Variants in ESR2 observed in about 807,000 individuals in gnomAD.
ESR2 encodes estrogen receptor beta.
In ESR2, 36 loss-of-function variants were observed where a neutral mutation model predicts 49.6. That is an observed-to-expected ratio of 0.73 (90% CI 0.56 to 0.96). The LOEUF (loss-of-function observed/expected upper bound fraction) is 0.96, where lower values mean the gene tolerates loss of function less well. ESR2 is among the 40% of genes least tolerant of loss of function. The pLI is 0.00. For missense variants in ESR2, 714 were observed against 693.0 expected (o/e 1.03, Z -0.34); for synonymous variants, 320 against 266.1 (o/e 1.20, Z -1.97).
chr14:64,285,157 T>C (rs776765266), intron 1 of ESR2, among the ~76,000 whole-genome samples: 2 of 152,132 alleles, frequency 1.3e-5, no homozygotes, highest in Non-Finnish European at 2.9e-5. Context: ...CCAGCTCTCA[T>C]TACTTCTTAT....
intron 1 of ESR2, among the ~76,000 whole-genome samples, chr14:64,293,094 G>A (rs2076898665): frequency 6.6e-6 from 1 of 152,100 alleles, no homozygotes; most frequent in South Asian, 2.1e-4. Context: ...CCTTCTTCTA[G>A]AACTCATATC....
intron 1 of ESR2, among the ~76,000 whole-genome samples, chr14:64,288,922 G>A (rs1456833625): frequency 1.3e-5 from 2 of 149,118 alleles, no homozygotes; most frequent in African/African-American, 5.0e-5. Flanking sequence ...GGAGGTGGAG[G>A]TTGCGGTGAG....
intron 1 of ESR2, among the ~76,000 whole-genome samples, chr14:64,325,320 G>A (rs2077375415): frequency 6.6e-6 from 1 of 152,122 alleles, no homozygotes; most frequent in South Asian, 2.1e-4. Flanking sequence ...TTGAGTAAAA[G>A]TAGGAAATAA....
intron 1 of ESR2, chr14:64,332,231 G>A (rs1486391471): frequency 6.6e-6 from 1 of 152,108 alleles, no homozygotes; most frequent in Non-Finnish European, 1.5e-5. Context: ...CTTGTTGCTG[G>A]CTACTGAGTT....
At chr14:64,287,429 T>C (rs190831572) in intron 1 of ESR2, among the ~76,000 whole-genome samples, 2 of 152,326 alleles carry the variant, frequency 1.3e-5, no homozygotes, top group Non-Finnish European at 2.9e-5. Context: ...AATTTCCACA[T>C]ATCCCCAGAA....
At chr14:64,279,712 C>T (rs1211181762) in intron 3 of ESR2, among the ~76,000 whole-genome samples, 1 of 152,228 alleles carries the variant, frequency 6.6e-6, no homozygotes, top group Non-Finnish European at 1.5e-5. Flanking sequence ...AAGGTTGTAA[C>T]TCGATGTCTT....
downstream of ESR2, chr14:64,227,563 A>T (rs752567696): frequency 6.2e-7 from 1 of 1,614,216 alleles, no homozygotes; most frequent in Non-Finnish European, 8.5e-7. Context: ...CAGGCAAAAG[A>T]GTCTCCATCT....
At chr14:64,287,945 T>A (rs1247029760) in intron 1 of ESR2, among the ~76,000 whole-genome samples, 1 of 152,238 alleles carries the variant, frequency 6.6e-6, no homozygotes, top group Non-Finnish European at 1.5e-5. Flanking sequence ...GGGCCTGGCA[T>A]GGAATTTCAC....
At chr14:64,265,493 A>G (rs903038939) in intron 4 of ESR2, among the ~76,000 whole-genome samples, 1 of 152,212 alleles carries the variant, frequency 6.6e-6, no homozygotes, top group African/African-American at 2.4e-5. Flanking sequence ...GCAGTAGCCT[A>G]AATCCAGAGC....
At chr14:64,275,883 T>C (rs1297681548) in intron 3 of ESR2, among the ~76,000 whole-genome samples, 3 of 152,126 alleles carry the variant, frequency 2.0e-5, no homozygotes, top group Non-Finnish European at 4.4e-5. Flanking sequence ...ATATTATATC[T>C]CAAACTCAAC....
chr14:64,253,618 GTA>G (rs748150831), intron 6 of ESR2, among the ~76,000 whole-genome samples: 2,996 of 147,336 alleles, frequency 0.02, 78 homozygotes, highest in East Asian at 0.088. Context: ...GTATGTGTGT[GTA>G]TATATATATA....
intron 1 of ESR2, among the ~76,000 whole-genome samples, chr14:64,289,727 A>G (rs552788273): frequency 1.4e-4 from 22 of 152,238 alleles, no homozygotes; most frequent in African/African-American, 5.1e-4. Flanking sequence ...ACAGAAATCC[A>G]TCACCCCTAG....
intron 5 of ESR2, among the ~76,000 whole-genome samples, chr14:64,258,628 T>C (rs2076152774): frequency 6.6e-6 from 1 of 152,192 alleles, no homozygotes; most frequent in South Asian, 2.1e-4. Flanking sequence ...CACACATGGT[T>C]CAAGTCTTTG....
At chr14:64,333,758 C>T (rs900164549) in intron 1 of ESR2, among the ~76,000 whole-genome samples, 10 of 152,174 alleles carry the variant, frequency 6.6e-5, no homozygotes, top group Non-Finnish European at 1.3e-4. Flanking sequence ...TTATCTCCCA[C>T]TGGGTCCCTC....
intron 6 of ESR2, among the ~76,000 whole-genome samples, chr14:64,255,468 C>T (rs1428225253): frequency 6.6e-6 from 1 of 152,096 alleles, no homozygotes; most frequent in South Asian, 2.1e-4. Context: ...CTGTTCTCTA[C>T]CAAAACATCT....
At position 64,260,310 on chromosome 14, in the gene ESR2, A is replaced by G. The variant is rs547608708; in HGVS notation, c.952+139T>C. 1.8e-5 allele frequency: 16 copies of G among 891,918 alleles called. No individual in the cohort carries two copies. In the African/African-American group the frequency reaches 2.6e-4, roughly 15 times the overall value. The allele number at this position is 891,918 out of a possible 1,614,324, so 55.3% of individuals were successfully genotyped here. On this transcript the variant is annotated intron_variant, in intron 5 of 8. Coordinates refer to ENST00000341099, the MANE Select transcript of ESR2 (RefSeq NM_001437.3). ...CAGAAGGAAGGAACATATTGCACTT[A>G]AAAGTTACAAATCCAGCTGAGGACC...
rs750231632 is a variant in ESR2 at position 64,283,014 on chromosome 14, T to C, written c.-29A>G. 3 of 1,586,382 alleles carry C rather than the reference T, an allele frequency of 1.9e-6. No homozygotes were observed. Among genetic ancestry groups the C allele is most frequent in the Non-Finnish European group, 2.6e-6 (3 of 1,165,704 alleles). ...TTGAGATAACAGCTGAGAAAACACC[T>C]TGCAAGAAGAGGCACAAAGGTCATT... On this transcript the variant is annotated 5_prime_UTR_variant, in exon 2 of 9. Coordinates refer to ENST00000341099, the MANE Select transcript of ESR2 (RefSeq NM_001437.3).
chr14:64,288,248 G>T (rs1331075761), intron 1 of ESR2, among the ~76,000 whole-genome samples: 7 of 149,366 alleles, frequency 4.7e-5, no homozygotes, highest in African/African-American at 1.7e-4. Context: ...TGAATTAAAA[G>T]AAAAAAGTAG....
intron 6 of ESR2, among the ~76,000 whole-genome samples, chr14:64,254,535 T>A (rs1596395999): frequency 6.7e-6 from 1 of 149,358 alleles, no homozygotes; most frequent in East Asian, 2.0e-4. Context: ...TCACTTGAAG[T>A]CAGGACCTCG....
Sources: allele counts gnomAD v4.1 joint callset (sites outside exome capture counted in the v4.1 genomes callset), GRCh38; gene constraint gnomAD v4.1.1; transcripts MANE v1.5; gene names NCBI Gene and HGNC (gene_info 2026-07-23, HGNC 2026-07-21).